ATXN2: variants seen among roughly 807,000 people sequenced by gnomAD.
ATXN2 encodes the protein ataxin 2.
ATXN2 carries 37 observed loss-of-function variants against 138.6 expected under a neutral mutation model. The ratio of observed to expected loss-of-function variants is 0.27; its 90% CI spans 0.21 to 0.35. ATXN2 has a LOEUF of 0.35. Ranked by LOEUF, ATXN2 falls within the 10% of genes least tolerant of loss-of-function variation. The pLI, the probability that ATXN2 is intolerant of heterozygous loss-of-function variation, is 1.00. For synonymous variants in ATXN2, 549 were observed against 543.7 expected (o/e 1.01, Z -0.13); for missense variants, 1,216 against 1,480.3 (o/e 0.82, Z 2.93).
At chr12:111,555,846 C>T in intron 2 of ATXN2, 37 bp downstream of exon 2, 1 of 1,551,682 alleles carries the variant, frequency 6.4e-7, no homozygotes, top group Non-Finnish European at 8.7e-7. Flanking sequence ...GTTTTAGCTA[C>T]TAATTTTCCC....
intron 1 of ATXN2, among the ~76,000 whole-genome samples, chr12:111,580,954 C>A (rs1883963067): frequency 6.6e-6 from 1 of 151,866 alleles, no homozygotes; most frequent in Non-Finnish European, 1.5e-5. Flanking sequence ...GCCTGGCCAA[C>A]ATGGTGCTAC....
intron 14 of ATXN2, among the ~76,000 whole-genome samples, chr12:111,504,157 A>C (rs1049117320): frequency 6.6e-6 from 1 of 152,240 alleles, no homozygotes; most frequent in Non-Finnish European, 1.5e-5. Context: ...CAGTAACTCT[A>C]ATCAAGACAG....
chr12:111,515,869 G>A (rs1364273370), intron 10 of ATXN2, among the ~76,000 whole-genome samples: 1 of 152,102 alleles, frequency 6.6e-6, no homozygotes, highest in Non-Finnish European at 1.5e-5. Context: ...ATAAGGAGGG[G>A]GAAGGCTGTG....
rs758751124 is a variant in ATXN2 at position 111,457,352 on chromosome 12, C to T, written c.2904G>A (p.Thr968=). 4 of 1,608,026 alleles carry T rather than the reference C, an allele frequency of 2.5e-6. No individual in the cohort carries two copies. Among genetic ancestry groups the T allele is most frequent in the Admixed American group, 1.7e-5 (1 of 58,528 alleles). ...TSPSFYFAIS[T]GSLAQQYAHP... is the part of the protein sequence containing the mutation. Reference sequence around the variant, plus strand: ...GCGCATACTGCTGAGCAAGGGAGCCCGTGGAAACTAAAGTGAAAGAAAAAG... The same window carrying T: ...GCGCATACTGCTGAGCAAGGGAGCCTGTGGAAACTAAAGTGAAAGAAAAAG... The change falls in exon 22 of 25, where the codon ACG becomes ACA. Residue 968 remains threonine (T), a synonymous_variant. Coordinates refer to ENST00000673436, the MANE Select transcript of ATXN2 (RefSeq NM_001372574.1).
At chr12:111,590,119 C>T (rs1390672259) in intron 1 of ATXN2, among the ~76,000 whole-genome samples, 2 of 151,972 alleles carry the variant, frequency 1.3e-5, no homozygotes, top group African/African-American at 2.4e-5. Flanking sequence ...GAGGCTGAGG[C>T]AGGAGAATCA....
chr12:111,509,334 C>CT (rs1434612521), intron 14 of ATXN2, among the ~76,000 whole-genome samples: 1 of 152,144 alleles, frequency 6.6e-6, no homozygotes, highest in Non-Finnish European at 1.5e-5. Context: ...CAGGGCTATA[C>CT]TCTCATTTGA....
intron 14 of ATXN2, among the ~76,000 whole-genome samples, chr12:111,504,575 G>C (rs144268083): frequency 6.6e-6 from 1 of 152,162 alleles, no homozygotes; most frequent in Non-Finnish European, 1.5e-5. Context: ...CAGGCGTTGA[G>C]AGCCACTGTG....
At chr12:111,584,143 A>G (rs1884182725) in intron 1 of ATXN2, among the ~76,000 whole-genome samples, 1 of 151,912 alleles carries the variant, frequency 6.6e-6, no homozygotes. Context: ...GCATTTCTGG[A>G]CACCAAGGTG....
chr12:111,599,656 C>T, upstream of ATXN2: 5 of 1,081,370 alleles, frequency 4.6e-6, no homozygotes, highest in Non-Finnish European at 5.6e-6. Flanking sequence ...GGGCGGCGCG[C>T]TGGGTTGCTT....
chr12:111,539,136 G>A (rs11831184), intron 5 of ATXN2, among the ~76,000 whole-genome samples: 56 of 150,192 alleles, frequency 3.7e-4, no homozygotes, highest in African/African-American at 1.3e-3. Flanking sequence ...TTTTAAGTGG[G>A]GAGGAGGAGG....
intron 1 of ATXN2, among the ~76,000 whole-genome samples, chr12:111,584,375 CTCAAA>C (rs1314535304): frequency 6.7e-5 from 1 of 15,036 alleles, no homozygotes; most frequent in East Asian, 5.4e-4. Flanking sequence ...GAGACCCTGT[CTCAAA>C]AAAAAAAAAA....
Position 111,519,927 on chromosome 12 carries a change from G to C in ATXN2, c.938C>G (p.Ala313Gly). 2 of 1,614,130 alleles carry C rather than the reference G, an allele frequency of 1.2e-6. No homozygotes were observed. Among genetic ancestry groups the C allele is most frequent in the Non-Finnish European group, 1.7e-6 (2 of 1,180,026 alleles). ...DDRSEEEKYT[A>G]VQRNSSEREG... ...ACGTTCACTGGAATTTCTCTGAACT[G>C]CTGTGTATTTTTCTTCCTCACTCCT... The change falls in exon 8 of 25, where the codon GCA becomes GGA. Residue 313 changes from alanine to glycine, a missense_variant. This residue lies in a region of ATXN2 where 401 missense variants were observed against 528.1 expected (regional missense o/e 0.76). Coordinates refer to ENST00000673436, the MANE Select transcript of ATXN2 (RefSeq NM_001372574.1).
intron 14 of ATXN2, among the ~76,000 whole-genome samples, chr12:111,489,369 C>A (rs1013610855): frequency 1.3e-5 from 2 of 152,198 alleles, no homozygotes; most frequent in Non-Finnish European, 2.9e-5. Flanking sequence ...AATCCCAGCA[C>A]TTTGGGAGGC....
chr12:111,525,642 A>G (rs936424611), intron 5 of ATXN2, among the ~76,000 whole-genome samples: 1 of 152,100 alleles, frequency 6.6e-6, no homozygotes, highest in Non-Finnish European at 1.5e-5. Flanking sequence ...GATGACTATC[A>G]GTAAAGGTAT....
chr12:111,455,721 G>A lies in ATXN2; in HGVS notation c.3270+308C>T, dbSNP rs1046528786. ...TATGTACACATATATATAGTAGTGA[G>A]GCTATATAGACATAGCAAAGCAGAC... On this transcript the variant is annotated intron_variant, in intron 23 of 24. Transcript: ENST00000673436. 6.5e-5 allele frequency: 30 copies of A among 461,706 alleles called. 1 individual carries two copies. In the Middle Eastern group the frequency reaches 3.1e-3, roughly 48 times the overall value. 28.6% of individuals were successfully genotyped at this position (461,706 alleles called of 1,614,324 possible).
At chr12:111,523,676 A>G (rs1880317315) in intron 6 of ATXN2, among the ~76,000 whole-genome samples, 1 of 152,056 alleles carries the variant, frequency 6.6e-6, no homozygotes. Flanking sequence ...CAGGGAGCCG[A>G]GATCGCACCA....
At position 111,541,362 on chromosome 12, in the gene ATXN2, T is replaced by C. The variant is rs577696180; in HGVS notation, c.571+10918A>G. ...GTTATAATTCTTTTTTTTTTTTTTT[T>C]TTTTTTGAAACAGAGTTTTACTCTT... is the stretch of plus-strand genomic sequence containing the variant. On this transcript the variant is annotated intron_variant, in intron 5 of 24. Transcript: ENST00000673436. Among the ~76,000 whole-genome samples the C allele has an allele frequency of 0.011, 1,517 of 143,714 alleles. 110 individuals are homozygous for C. In the South Asian group the frequency reaches 0.15, roughly 15 times the overall value. 94.3% of individuals were successfully genotyped at this position (143,714 alleles called of 152,430 possible). A position where few individuals can be genotyped will look rare whatever the true frequency, so the allele number is the denominator to read the frequency against.
At position 111,516,795 on chromosome 12, in the gene ATXN2, G is replaced by A. The variant is rs1027711838; in HGVS notation, c.1166-432C>T. On this transcript the variant is annotated intron_variant, in intron 9 of 24. Transcript: ENST00000673436. The surrounding 1 kb of genome is among the most constrained non-coding windows in gnomAD (Gnocchi z 5.0). ...ATTAGTTTTAACTCTGAGGCATAACGAAAATAAGCAGTAGCTATTATATCC... is the reference window on the plus strand; with the variant it reads ...ATTAGTTTTAACTCTGAGGCATAACAAAAATAAGCAGTAGCTATTATATCC... 1.3e-5 allele frequency among the ~76,000 whole-genome samples: 2 copies of A among 152,088 alleles called. No homozygotes were observed. The highest frequency in any genetic ancestry group is 2.4e-5 in the African/African-American group (1 of 41,424).
At chr12:111,587,073 CAAAAAAAAAAA>C (rs374631048) in intron 1 of ATXN2, among the ~76,000 whole-genome samples, 63 of 112,906 alleles carry the variant, frequency 5.6e-4, no homozygotes, top group Non-Finnish European at 1.0e-3. Flanking sequence ...CCATTTCTAC[CAAAAAAAAAAA>C]AAAAAAAAAG....
Sources: gnomAD v4.1 joint callset for allele counts (sites outside exome capture counted in the v4.1 genomes callset) on GRCh38, gnomAD v4.1.1 for gene constraint, gnomAD v4.1.1 regional missense constraint, Gnocchi (gnomAD v3.1) non-coding constraint, MANE v1.5 for transcripts, NCBI Gene and HGNC (gene_info 2026-07-23, HGNC 2026-07-21) for gene names.